The following GPC6 variants were observed in gnomAD, a reference collection of about 807,000 sequenced individuals.
GPC6 encodes glypican 6.
A neutral mutation model predicts 55.2 loss-of-function variants in GPC6; 14 were observed. That is an observed-to-expected ratio of 0.25 (90% CI 0.17 to 0.40). GPC6 has a LOEUF of 0.40. Among genes scored for constraint, GPC6 ranks in the 10% least tolerant of loss-of-function variants. GPC6 has a pLI of 1.00. For missense variants in GPC6, 641 were observed against 708.5 expected (o/e 0.90, Z 1.08); for synonymous variants, 278 against 259.6 (o/e 1.07, Z -0.68).
chr13:93,628,124 A>C (rs1259890844), intron 2 of GPC6, among the ~76,000 whole-genome samples: 1 of 152,212 alleles, frequency 6.6e-6, no homozygotes, highest in Non-Finnish European at 1.5e-5. Context: ...AAAACTTAGA[A>C]AATCAAGGGA....
At chr13:93,454,341 C>T (rs1276773908) in intron 1 of GPC6, among the ~76,000 whole-genome samples, 1 of 128,854 alleles carries the variant, frequency 7.8e-6, no homozygotes, top group Non-Finnish European at 1.8e-5. Flanking sequence ...AAGGCCCCAC[C>T]AGAGTAGCTA....
At chr13:93,297,991 A>G (rs1287278089) in intron 1 of GPC6, among the ~76,000 whole-genome samples, 1 of 152,202 alleles carries the variant, frequency 6.6e-6, no homozygotes. Flanking sequence ...AACAAATGTT[A>G]GGTTCACCTA....
At chr13:94,138,515 T>C (rs1468670989) in intron 4 of GPC6, among the ~76,000 whole-genome samples, 1 of 152,182 alleles carries the variant, frequency 6.6e-6, no homozygotes, top group Non-Finnish European at 1.5e-5. Context: ...GATGGTTTGC[T>C]TTGTCTTCTT....
intron 1 of GPC6, among the ~76,000 whole-genome samples, chr13:93,508,660 A>G (rs1415827663): frequency 6.6e-6 from 1 of 152,254 alleles, no homozygotes; most frequent in Non-Finnish European, 1.5e-5. Flanking sequence ...TTACATGTCC[A>G]GCACAGGTGG....
chr13:94,180,878 C>CAGAA (rs1555304650), intron 4 of GPC6, among the ~76,000 whole-genome samples: 1 of 149,564 alleles, frequency 6.7e-6, no homozygotes, highest in Admixed American at 6.6e-5. Context: ...GAGACACACA[C>CAGAA]AGAGAGAGAG....
chr13:93,596,588 GAAATAAATAAAT>G (rs1309800325), intron 2 of GPC6, among the ~76,000 whole-genome samples: 1 of 139,862 alleles, frequency 7.1e-6, no homozygotes, highest in Non-Finnish European at 1.5e-5. Context: ...AAAAGGATGT[GAAATAAATAAAT>G]AAATAAATAA....
chr13:94,382,328 A>G lies in GPC6; in HGVS notation c.1153-86A>G, dbSNP rs117212022. 6,856 of 1,414,038 alleles carry G rather than the reference A, an allele frequency of 4.8e-3. 37 individuals carry two copies. The highest frequency in any genetic ancestry group is 6.0e-3 in the Non-Finnish European group (5,973 of 999,342). The allele number at this position is 1,414,038 out of a possible 1,614,324, so 87.6% of individuals were successfully genotyped here. On this transcript the variant is annotated intron_variant, in intron 6 of 8. Coordinates refer to ENST00000377047, the MANE Select transcript of GPC6 (RefSeq NM_005708.5). ...TCCTGCTGGTCATATCACAGGTTCT[A>G]TAACCCTCGCCTGCGTACGTCCTTG...
At chr13:94,192,942 G>A (rs143102090) in intron 4 of GPC6, among the ~76,000 whole-genome samples, 454 of 152,232 alleles carry the variant, frequency 3.0e-3, no homozygotes, top group African/African-American at 0.011. Flanking sequence ...TTAATGTGAG[G>A]TGACCCAGGG....
At chr13:93,739,783 A>C (rs1884137468) in intron 2 of GPC6, among the ~76,000 whole-genome samples, 1 of 152,186 alleles carries the variant, frequency 6.6e-6, no homozygotes, top group Non-Finnish European at 1.5e-5. Context: ...AGGTTCTAAC[A>C]CTAGCGTAGG....
At chr13:93,483,834 T>A (rs1879605442) in intron 1 of GPC6, among the ~76,000 whole-genome samples, 1 of 152,144 alleles carries the variant, frequency 6.6e-6, no homozygotes, top group South Asian at 2.1e-4. Context: ...TAAAATTATA[T>A]TAGATCACAT....
At chr13:93,864,444 G>A (rs982302655) in intron 3 of GPC6, among the ~76,000 whole-genome samples, 1 of 151,594 alleles carries the variant, frequency 6.6e-6, no homozygotes, top group Non-Finnish European at 1.5e-5. Context: ...AATGCTGATA[G>A]TATACATCAC....
At chr13:93,789,476 G>C (rs1885922613) in intron 2 of GPC6, among the ~76,000 whole-genome samples, 1 of 128,328 alleles carries the variant, frequency 7.8e-6, no homozygotes, top group African/African-American at 3.0e-5. Context: ...TTAAATATGT[G>C]AGTGAACTCT....
At chr13:94,345,358 G>A (rs1237152446) in intron 6 of GPC6, among the ~76,000 whole-genome samples, 1 of 152,098 alleles carries the variant, frequency 6.6e-6, no homozygotes, top group East Asian at 1.9e-4. Context: ...TGATTTTGGG[G>A]GGGAAAAGAA....
At chr13:94,318,501 C>T (rs1022015660) in intron 6 of GPC6, among the ~76,000 whole-genome samples, 9 of 152,246 alleles carry the variant, frequency 5.9e-5, no homozygotes, top group Non-Finnish European at 7.4e-5. Context: ...ATCTCTCGTG[C>T]GTGCGCTCTC....
chr13:93,562,959 C>A (rs1458634633), intron 2 of GPC6, among the ~76,000 whole-genome samples: 1 of 152,144 alleles, frequency 6.6e-6, no homozygotes, highest in Non-Finnish European at 1.5e-5. Flanking sequence ...TTACCAAACC[C>A]TACTTTCTCC....
chr13:93,438,623 G>A (rs1355125380), intron 1 of GPC6, among the ~76,000 whole-genome samples: 1 of 152,200 alleles, frequency 6.6e-6, no homozygotes, highest in Non-Finnish European at 1.5e-5. Context: ...ATGAACAAAT[G>A]AGGAGTTGCT....
chr13:94,194,017 A>G (rs1391547670), intron 4 of GPC6, among the ~76,000 whole-genome samples: 1 of 152,228 alleles, frequency 6.6e-6, no homozygotes, highest in Non-Finnish European at 1.5e-5. Flanking sequence ...TGAAATGACA[A>G]GTATGATTAC....
intron 4 of GPC6, among the ~76,000 whole-genome samples, chr13:94,056,642 C>A (rs1049105900): frequency 3.9e-5 from 6 of 152,088 alleles, no homozygotes; most frequent in African/African-American, 1.4e-4. Flanking sequence ...TGTTAAGATA[C>A]ACAAATCTCT....
chr13:93,282,263 T>A (rs1877977388), intron 1 of GPC6, among the ~76,000 whole-genome samples: 1 of 152,192 alleles, frequency 6.6e-6, no homozygotes, highest in Non-Finnish European at 1.5e-5. Context: ...TTCCTTTCCC[T>A]TGAGCTGAAG....
Sources: allele counts gnomAD v4.1 joint callset (sites outside exome capture counted in the v4.1 genomes callset), GRCh38; gene constraint gnomAD v4.1.1; transcripts MANE v1.5; gene names NCBI Gene and HGNC (gene_info 2026-07-23, HGNC 2026-07-21).